FGFR2: variants seen among roughly 807,000 people sequenced by gnomAD.
The protein encoded by FGFR2 is BEK fibroblast growth factor receptor.
In FGFR2, 19 loss-of-function variants were observed where a neutral mutation model predicts 95.9. The ratio of observed to expected loss-of-function variants is 0.20; its 90% CI spans 0.14 to 0.29. The LOEUF is 0.29. Among genes scored for constraint, FGFR2 ranks in the 10% least tolerant of loss-of-function variants. The pLI is 1.00. For missense variants in FGFR2, 707 were observed against 1,056.9 expected (o/e 0.67, Z 4.59); for synonymous variants, 392 against 393.3 (o/e 1.00, Z 0.04).
At chr10:121,514,801 C>T (rs562344752) in intron 9 of FGFR2, among the ~76,000 whole-genome samples, 69 of 152,244 alleles carry the variant, frequency 4.5e-4, no homozygotes, top group South Asian at 1.0e-3. Context: ...TCGAAGAGAC[C>T]GCTGTACTTG....
chr10:121,516,844 G>C (rs954125719), intron 8 of FGFR2, among the ~76,000 whole-genome samples: 11 of 152,168 alleles, frequency 7.2e-5, no homozygotes, highest in African/African-American at 2.4e-5. Context: ...CTGCTTCTGT[G>C]CATCTGACAT....
Position 121,520,089 on chromosome 10 carries a change from C to A in FGFR2, c.829G>T (p.Val277Phe). Residue 277 changes from valine to phenylalanine, a missense_variant, in exon 7 of 18, where the codon GTC (valine) becomes TTC (phenylalanine). Val to Phe is a conservative substitution (Grantham distance 50). Around this residue, in one of 7 missense-constraint regions of FGFR2, gnomAD observed 139 missense variants for 278.1 expected, o/e 0.50. Transcript: ENST00000358487. ...TGGGCATCACTGTAAACCTTGCAGA[C>A]AAACTCTACGTCTCCTCCGACCACT... ...STVVGGDVEFVCKVYSDAQPH... is the reference protein window; with the variant it reads ...STVVGGDVEFFCKVYSDAQPH... The A allele has an allele frequency of 6.2e-7, 1 of 1,614,236 alleles. No individual in the cohort carries two copies. Among genetic ancestry groups the A allele is most frequent in the Non-Finnish European group, 8.5e-7 (1 of 1,180,046 alleles).
chr10:121,591,202 A>G (rs191826713), intron 2 of FGFR2, among the ~76,000 whole-genome samples: 5 of 152,356 alleles, frequency 3.3e-5, no homozygotes, highest in African/African-American at 9.6e-5. Context: ...TTAGACTAAC[A>G]GATGAGGGGA....
At chr10:121,540,239 C>G (rs982416022) in intron 5 of FGFR2, among the ~76,000 whole-genome samples, 1 of 152,166 alleles carries the variant, frequency 6.6e-6, no homozygotes, top group Non-Finnish European at 1.5e-5. Context: ...TGATGGGAAA[C>G]TGATCCTCAC....
In FGFR2 at chr10:121,531,592, A is replaced by G. The variant is rs1256815914; in HGVS notation, c.748+7000T>C. Among the ~76,000 whole-genome samples, 4 of 152,100 alleles carry G rather than the reference A, an allele frequency of 2.6e-5. No individual in the cohort carries two copies. Among genetic ancestry groups the G allele is most frequent in the East Asian group, 3.9e-4 (2 of 5,178 alleles). ...CAATAACGACTAACAGTTGCATGGT[A>G]CTATTATTTAAAAGCGCTGCCTCTC... is the stretch of plus-strand genomic sequence containing the variant. On this transcript the variant is annotated intron_variant, in intron 6 of 17. Transcript: ENST00000358487. The surrounding 1 kb of genome is among the most constrained non-coding windows in gnomAD (Gnocchi z 4.5).
intron 17 of FGFR2, chr10:121,482,272 G>A (rs1844858939): frequency 1.7e-6 from 2 of 1,161,102 alleles, no homozygotes; most frequent in Non-Finnish European, 1.3e-6. Context: ...GAAGAAAGTT[G>A]GTTTCTTCCC....
At chr10:121,545,816 T>C (rs1854416787) in intron 5 of FGFR2, among the ~76,000 whole-genome samples, 1 of 152,202 alleles carries the variant, frequency 6.6e-6, no homozygotes, top group African/African-American at 2.4e-5. Context: ...AACAAAAGTT[T>C]TAAAAATCAT....
intron 5 of FGFR2, among the ~76,000 whole-genome samples, chr10:121,540,763 C>G (rs1247365438): frequency 6.6e-6 from 1 of 152,234 alleles, no homozygotes; most frequent in Non-Finnish European, 1.5e-5. Context: ...ATATTCAGTT[C>G]TTTGAGCCCC....
intron 13 of FGFR2, among the ~76,000 whole-genome samples, chr10:121,490,960 C>T (rs937453487): frequency 1.1e-4 from 16 of 152,112 alleles, no homozygotes; most frequent in Non-Finnish European, 1.0e-4. Flanking sequence ...CCTGGAGATT[C>T]GTCTGGGGCT....
intron 4 of FGFR2, among the ~76,000 whole-genome samples, chr10:121,558,734 C>T (rs1466899588): frequency 4.0e-5 from 6 of 151,576 alleles, no homozygotes; most frequent in African/African-American, 9.7e-5. Flanking sequence ...CAGCCTCAGG[C>T]GCCCGCCACC....
intron 6 of FGFR2, among the ~76,000 whole-genome samples, chr10:121,525,848 C>A (rs1379463710): frequency 6.6e-6 from 1 of 152,088 alleles, no homozygotes; most frequent in Non-Finnish European, 1.5e-5. Context: ...ACATGCATCC[C>A]GGGGATCAGA....
At chr10:121,533,982 A>G (rs1172258301) in intron 6 of FGFR2, among the ~76,000 whole-genome samples, 1 of 151,786 alleles carries the variant, frequency 6.6e-6, no homozygotes, top group African/African-American at 2.4e-5. Context: ...CAAGTCCAAC[A>G]GCCAAATCAG....
At chr10:121,570,536 C>G (rs1342488872) in intron 2 of FGFR2, among the ~76,000 whole-genome samples, 2 of 152,212 alleles carry the variant, frequency 1.3e-5, no homozygotes, top group African/African-American at 2.4e-5. Flanking sequence ...TGAGCACTTC[C>G]TGGATTTACT....
At chr10:121,579,038 G>A (rs45631627) in intron 2 of FGFR2, among the ~76,000 whole-genome samples, 16,619 of 152,216 alleles carry the variant, frequency 0.11, 1,175 homozygotes, top group African/African-American at 0.21. Flanking sequence ...TTCAGCTCCA[G>A]TGTCCAAGGA....
At chr10:121,489,158 C>T (rs1036659106) in intron 13 of FGFR2, among the ~76,000 whole-genome samples, 3 of 152,032 alleles carry the variant, frequency 2.0e-5, no homozygotes, top group Non-Finnish European at 4.4e-5. Context: ...CCGCAACCTC[C>T]GCCTCCTGGG....
intron 3 of FGFR2, 44 bp from the exon 4 acceptor site, chr10:121,564,623 G>T: frequency 6.3e-7 from 1 of 1,584,434 alleles, no homozygotes; most frequent in Non-Finnish European, 8.7e-7. Context: ...TTTTTGCAAA[G>T]CAAAAAGGTT....
intron 17 of FGFR2, 58 bp downstream of exon 17, chr10:121,483,640 A>T: frequency 8.0e-7 from 1 of 1,245,104 alleles, no homozygotes. Flanking sequence ...TGTGTAAAAC[A>T]CTACGCATGT....
At chr10:121,546,448 A>G (rs1336292923) in intron 5 of FGFR2, among the ~76,000 whole-genome samples, 1 of 152,248 alleles carries the variant, frequency 6.6e-6, no homozygotes, top group Non-Finnish European at 1.5e-5. Flanking sequence ...TATATCAATC[A>G]CATATTAATA....
At chr10:121,484,776 G>A (rs765960448) in intron 16 of FGFR2, among the ~76,000 whole-genome samples, 27 of 152,206 alleles carry the variant, frequency 1.8e-4, no homozygotes, top group Non-Finnish European at 2.9e-4. Context: ...AGTAAGGAGG[G>A]CGCCTGGACA....
Sources: gnomAD v4.1 joint callset for allele counts (sites outside exome capture counted in the v4.1 genomes callset) on GRCh38, gnomAD v4.1.1 for gene constraint, gnomAD v4.1.1 regional missense constraint, Gnocchi (gnomAD v3.1) non-coding constraint, MANE v1.5 for transcripts, NCBI Gene and HGNC (gene_info 2026-07-23, HGNC 2026-07-21) for gene names.